NKD2: variants seen among roughly 807,000 people sequenced by gnomAD.
The protein encoded by NKD2 is protein naked cuticle homolog 2.
NKD2 carries 43 observed loss-of-function variants against 34.8 expected under a neutral mutation model. That is an observed-to-expected ratio of 1.24 (90% CI 0.97 to 1.60). NKD2 has a LOEUF of 1.60. Ranked by LOEUF, NKD2 falls within the 40% of genes most tolerant of loss-of-function variation. The pLI, the probability that NKD2 is intolerant of heterozygous loss-of-function variation, is 0.00. For missense variants in NKD2, 675 were observed against 627.1 expected (o/e 1.08, Z -0.82); for synonymous variants, 278 against 265.1 (o/e 1.05, Z -0.47).
intron 3 of NKD2, among the ~76,000 whole-genome samples, chr5:1,020,848 C>T (rs1474177900): frequency 6.6e-6 from 1 of 152,036 alleles, no homozygotes; most frequent in Non-Finnish European, 1.5e-5. Flanking sequence ...TTAGGCTGAG[C>T]GTCCACCCTC....
Position 1,008,913 on chromosome 5 carries a change from C to G in NKD2, c.-145C>G, listed in dbSNP as rs894667066. 2.6e-6 allele frequency: 1 copy of G among 379,934 alleles called. No individual in the cohort carries two copies. The highest frequency in any genetic ancestry group is 2.1e-5 in the African/African-American group (1 of 47,668). 23.5% of individuals were successfully genotyped at this position (379,934 alleles called of 1,614,324 possible). A position where few individuals can be genotyped will look rare whatever the true frequency, so the allele number is the denominator to read the frequency against. On this transcript the variant is annotated 5_prime_UTR_variant, in exon 1 of 10. Transcript: ENST00000296849. Reference sequence around the variant, plus strand: ...GGCGCCCCCTGGCTCCCCCGGCCCCCGCGCGGCGTGGAGCCATCTTCCCTC... The same window carrying G: ...GGCGCCCCCTGGCTCCCCCGGCCCCGGCGCGGCGTGGAGCCATCTTCCCTC...
In NKD2 at chr5:1,037,928, A is replaced by G. The variant is rs1165710371; in HGVS notation, c.911A>G (p.Glu304Gly). ...VHHRRSQVLV[E>G]HVVPASEPAA... ...CACCGCAGGTCACAGGTGCTGGTGGAACACGTCGTGCCAGCCTCGGAGCCT... is the reference window on the plus strand; with the variant it reads ...CACCGCAGGTCACAGGTGCTGGTGGGACACGTCGTGCCAGCCTCGGAGCCT... The change falls in exon 10 of 10, where the codon GAA (glutamate) becomes GGA (glycine). Residue 304 changes from glutamate (E) to glycine (G), a missense_variant. Physicochemically the swap from Glu to Gly is moderately conservative, Grantham distance 98. Transcript: ENST00000296849. 3 of 1,607,404 alleles carry G rather than the reference A, an allele frequency of 1.9e-6. No homozygotes were observed. The highest frequency in any genetic ancestry group is 1.7e-5 in the Admixed American group (1 of 59,794).
rs190344691 is a variant in NKD2, at chr5:1,016,529, G to A, written c.141+6969G>A. On this transcript the variant is annotated intron_variant, in intron 3 of 9. Coordinates refer to ENST00000296849, the MANE Select transcript of NKD2 (RefSeq NM_033120.4). ...GAGAAGCTAAAAAGCACGAAATATT[G>A]TAATACAAACATTCAAATTGGAGAT... Among the ~76,000 whole-genome samples, 20 of 152,360 alleles carry A rather than the reference G, an allele frequency of 1.3e-4. No individual in the cohort carries two copies. In the East Asian group the frequency reaches 2.9e-3, roughly 22 times the overall value.
chr5:1,012,816 C>T (rs996458920), intron 3 of NKD2, among the ~76,000 whole-genome samples: 4 of 152,240 alleles, frequency 2.6e-5, no homozygotes, highest in Non-Finnish European at 5.9e-5. Context: ...CAGGAGCCAG[C>T]GCTCACCTGT....
At chr5:1,032,035 G>T in intron 3 of NKD2, 117 bp from the exon 4 acceptor site, 1 of 757,164 alleles carries the variant, frequency 1.3e-6, no homozygotes. Context: ...AGATTGAGAC[G>T]CCCCAGGAGG....
Position 1,008,990 on chromosome 5 carries a change from TC to T in NKD2, c.-65del. On this transcript the variant is annotated 5_prime_UTR_variant, in exon 1 of 10. It removes the in-frame stop codon of an upstream open reading frame in the 5' UTR. Transcript: ENST00000296849. Reference sequence around the variant, plus strand: ...CCCGGCCCATGCGGCCCCCGCGGGCTCCCGGCCCCGGCTTCAGAACTCAGCC... The same window carrying T: ...CCCGGCCCATGCGGCCCCCGCGGGCTCCGGCCCCGGCTTCAGAACTCAGCC... 2.4e-6 allele frequency: 1 copy of T among 418,304 alleles called. No homozygotes were observed. Among genetic ancestry groups the T allele is most frequent in the Admixed American group, 4.5e-5 (1 of 22,442 alleles). 25.9% of individuals were successfully genotyped at this position (418,304 alleles called of 1,614,324 possible). A position where few individuals can be genotyped will look rare whatever the true frequency, so the allele number is the denominator to read the frequency against.
chr5:1,015,336 A>G (rs538182120), intron 3 of NKD2, among the ~76,000 whole-genome samples: 103 of 152,334 alleles, frequency 6.8e-4, no homozygotes, highest in African/African-American at 2.3e-3. Flanking sequence ...TCCTTCCTGT[A>G]GAGAGGAAGC....
chr5:1,022,226 G>A (rs1181287064), intron 3 of NKD2, among the ~76,000 whole-genome samples: 142 of 149,982 alleles, frequency 9.5e-4, no homozygotes, highest in Middle Eastern at 3.4e-3. Flanking sequence ...GGGTGTCCCA[G>A]CCCTTTGTCC....
intron 3 of NKD2, among the ~76,000 whole-genome samples, chr5:1,020,168 G>A (rs915528520): frequency 6.6e-6 from 1 of 152,198 alleles, no homozygotes; most frequent in Non-Finnish European, 1.5e-5. Context: ...TGAAATGGTT[G>A]TCTAACATTC....
At chr5:1,031,109 C>T (rs898251930) in intron 3 of NKD2, among the ~76,000 whole-genome samples, 1 of 152,068 alleles carries the variant, frequency 6.6e-6, no homozygotes, top group African/African-American at 2.4e-5. Context: ...CAGGTGCCCT[C>T]GAGGGTGACC....
chr5:1,029,177 C>G (rs988652854), intron 3 of NKD2, among the ~76,000 whole-genome samples: 10 of 152,214 alleles, frequency 6.6e-5, no homozygotes, highest in Non-Finnish European at 8.8e-5. Flanking sequence ...TTTGATCCTC[C>G]CTGCATCTCA....
chr5:1,011,305 G>A (rs1560981363), intron 3 of NKD2, among the ~76,000 whole-genome samples: 1 of 152,150 alleles, frequency 6.6e-6, no homozygotes, highest in African/African-American at 2.4e-5. Flanking sequence ...GCCCAGGTGC[G>A]CCCTCACCTG....
chr5:1,015,451 C>T (rs1331811468), intron 3 of NKD2, among the ~76,000 whole-genome samples: 1 of 152,208 alleles, frequency 6.6e-6, no homozygotes, highest in Non-Finnish European at 1.5e-5. Context: ...CCAGCCTACC[C>T]CAGAATTTGT....
chr5:1,037,554 C>G (rs1340228494), intron 9 of NKD2: 2 of 1,535,956 alleles, frequency 1.3e-6, no homozygotes, highest in East Asian at 4.9e-5. Context: ...GCTCCGCTCC[C>G]AGGACACACA....
At chr5:1,036,903 G>A (rs1324565769) in intron 9 of NKD2, 7 of 436,958 alleles carry the variant, frequency 1.6e-5, no homozygotes, top group Non-Finnish European at 2.8e-5. Context: ...CAGTGTGGAT[G>A]GCAGCCAGGC....
At position 1,036,327 on chromosome 5, in the gene NKD2, A is replaced by T; in HGVS notation, c.730A>T (p.Arg244Ter). 1 of 1,612,990 alleles carries T rather than the reference A, an allele frequency of 6.2e-7. No homozygotes were observed. Among genetic ancestry groups the T allele is most frequent in the African/African-American group, 1.3e-5 (1 of 75,028 alleles). Reference sequence around the variant, plus strand: ...CTGCGTGGACGAGAACACGGAGCGCAGAAACCACTACCTGGACCTCGCCGG... The same window carrying T: ...CTGCGTGGACGAGAACACGGAGCGCTGAAACCACTACCTGGACCTCGCCGG... ...PYCVDENTER[R>*]NHYLDLAGIE... The change falls in exon 9 of 10, where the codon AGA (arginine) becomes TGA (stop). Residue 244 changes from arginine to a stop codon, truncating the protein, a stop_gained. Coordinates refer to ENST00000296849, the MANE Select transcript of NKD2 (RefSeq NM_033120.4). LOFTEE classifies it high-confidence loss of function.
Position 1,008,867 on chromosome 5 carries a change from C to G in NKD2, c.-191C>G. Reference sequence around the variant, plus strand: ...CGCCCTGCGCCCGGTGGCCCCCCACCTCCGCCCCGCGGCCGTACCTGGCGC... The same window carrying G: ...CGCCCTGCGCCCGGTGGCCCCCCACGTCCGCCCCGCGGCCGTACCTGGCGC... On this transcript the variant is annotated 5_prime_UTR_variant, in exon 1 of 10. Transcript: ENST00000296849. 1 of 355,076 alleles carries G rather than the reference C, an allele frequency of 2.8e-6. No individual in the cohort carries two copies. The highest frequency in any genetic ancestry group is 5.0e-6 in the Non-Finnish European group (1 of 198,810). 22.0% of individuals were successfully genotyped at this position (355,076 alleles called of 1,614,324 possible).
In NKD2 at chr5:1,038,106, C is replaced by A. The variant is rs1374383001; in HGVS notation, c.1089C>A (p.Pro363=). The A allele has an allele frequency of 1.2e-6, 2 of 1,601,648 alleles. No homozygotes were observed. Residue 363 remains proline (P), a synonymous_variant, in exon 10 of 10, where the codon CCC becomes CCA. Coordinates refer to ENST00000296849, the MANE Select transcript of NKD2 (RefSeq NM_033120.4). The surrounding 1 kb of genome is among the most constrained non-coding windows in gnomAD (Gnocchi z 4.5). ...FSYYLPAVLP[P]QAPQDGHHLP... ...ACTACCTGCCGGCCGTCCTGCCGCCCCAGGCCCCTCAGGACGGCCACCACC... is the reference window on the plus strand; with the variant it reads ...ACTACCTGCCGGCCGTCCTGCCGCCACAGGCCCCTCAGGACGGCCACCACC...
intron 3 of NKD2, among the ~76,000 whole-genome samples, chr5:1,022,075 G>C (rs1437538836): frequency 7.7e-6 from 1 of 129,402 alleles, no homozygotes; most frequent in African/African-American, 3.0e-5. Context: ...CGGGGTCCTT[G>C]CTGTCCTTCA....
Sources: gnomAD v4.1 joint callset for allele counts (sites outside exome capture counted in the v4.1 genomes callset) on GRCh38, gnomAD v4.1.1 for gene constraint, Gnocchi (gnomAD v3.1) non-coding constraint, MANE v1.5 for transcripts, NCBI Gene and HGNC (gene_info 2026-07-23, HGNC 2026-07-21) for gene names.